CNTNAP2: variants seen among roughly 807,000 people sequenced by gnomAD.
The protein encoded by CNTNAP2 is contactin associated protein 2, also known as contactin-associated protein-like 2.
Under a neutral mutation model 155.2 loss-of-function variants are expected in CNTNAP2, and 98 were observed. The ratio of observed to expected loss-of-function variants is 0.63; its 90% CI spans 0.54 to 0.75. CNTNAP2 has a LOEUF of 0.75. Among genes scored for constraint, CNTNAP2 ranks in the 30% least tolerant of loss-of-function variants. The pLI, the probability that CNTNAP2 is intolerant of heterozygous loss-of-function variation, is 0.00. For synonymous variants in CNTNAP2, 651 were observed against 631.2 expected, an observed-to-expected ratio of 1.03 and a Z score of -0.47; for missense variants, 1,727 against 1,688.1, an observed-to-expected ratio of 1.02 and a Z score of -0.40.
intron 1 of CNTNAP2, among the ~76,000 whole-genome samples, chr7:146,638,476 C>CTTTTTTTTTTTTTTTTTTTTTGTTTTT (rs1799643979): frequency 1.6e-5 from 1 of 64,330 alleles, no homozygotes; most frequent in Non-Finnish European, 3.5e-5. Flanking sequence ...TCAGGTGTTT[C>CTTTTTTTTTTTTTTTTTTTTTGTTTTT]TTTTTTTTTT....
chr7:147,131,960 C>T (rs1420267951), intron 7 of CNTNAP2, among the ~76,000 whole-genome samples: 2 of 152,048 alleles, frequency 1.3e-5, no homozygotes, highest in Non-Finnish European at 2.9e-5. Flanking sequence ...CACTTTACAA[C>T]TCATGGTCAG....
At chr7:146,307,577 C>G (rs916573657) in intron 1 of CNTNAP2, among the ~76,000 whole-genome samples, 9 of 152,130 alleles carry the variant, frequency 5.9e-5, no homozygotes, top group East Asian at 1.9e-4. Flanking sequence ...TGACTTCAAA[C>G]TATACTACAA....
intron 13 of CNTNAP2, among the ~76,000 whole-genome samples, chr7:147,649,186 C>T (rs929739406): frequency 1.4e-4 from 22 of 152,130 alleles, no homozygotes; most frequent in African/African-American, 4.8e-4. Context: ...TGAGGTGAGA[C>T]TTTGATTTTG....
At chr7:147,342,322 G>C (rs893164711) in intron 9 of CNTNAP2, among the ~76,000 whole-genome samples, 2 of 145,330 alleles carry the variant, frequency 1.4e-5, no homozygotes, top group Non-Finnish European at 3.0e-5. Flanking sequence ...ACATATATTT[G>C]AGTTTTCTTT....
intron 13 of CNTNAP2, among the ~76,000 whole-genome samples, chr7:147,770,334 T>C (rs1392852150): frequency 6.6e-6 from 1 of 152,180 alleles, no homozygotes; most frequent in Non-Finnish European, 1.5e-5. Flanking sequence ...TACTGCACCA[T>C]AGGTTTCCCT....
Position 146,249,704 on chromosome 7 carries a change from A to C in CNTNAP2, c.97+132731A>C, listed in dbSNP as rs150892875. ...GTATTTGAAAACTTGTCAGAATGCT[A>C]TTTTCATTAGACACTTTTCATTATT... On this transcript the variant is annotated intron_variant, in intron 1 of 23. Transcript: ENST00000361727. 7.5e-3 allele frequency among the ~76,000 whole-genome samples: 1,142 copies of C among 152,214 alleles called. 16 individuals carry two copies. The highest frequency in any genetic ancestry group is 0.025 in the African/African-American group (1,044 of 41,540).
intron 3 of CNTNAP2, among the ~76,000 whole-genome samples, chr7:146,958,675 A>C (rs1004167404): frequency 6.6e-6 from 1 of 151,950 alleles, no homozygotes; most frequent in Middle Eastern, 3.2e-3. Flanking sequence ...GGCCTCCCAA[A>C]GTGCTGGGAT....
At chr7:147,046,949 G>A (rs113909740) in intron 4 of CNTNAP2, among the ~76,000 whole-genome samples, 12,332 of 147,908 alleles carry the variant, frequency 0.083, 646 homozygotes, top group South Asian at 0.14. Context: ...GGAGAATGGC[G>A]TGAACCCGGG....
chr7:147,577,781 C>T (rs1800423068), intron 12 of CNTNAP2, among the ~76,000 whole-genome samples: 1 of 151,650 alleles, frequency 6.6e-6, no homozygotes, highest in Admixed American at 6.6e-5. Flanking sequence ...TATAAAGCAA[C>T]ACACCATGCA....
intron 1 of CNTNAP2, among the ~76,000 whole-genome samples, chr7:146,517,436 A>C (rs1241318776): frequency 6.6e-6 from 1 of 152,012 alleles, no homozygotes; most frequent in African/African-American, 2.4e-5. Context: ...ATGTTGGAGA[A>C]GAGTAATCTA....
chr7:147,295,268 T>G (rs748406376), intron 8 of CNTNAP2, among the ~76,000 whole-genome samples: 1 of 151,768 alleles, frequency 6.6e-6, no homozygotes, highest in Admixed American at 6.6e-5. Context: ...TGTGTGTGCA[T>G]GCGTGTGTGT....
At chr7:147,105,416 A>C (rs981460129) in intron 4 of CNTNAP2, among the ~76,000 whole-genome samples, 2 of 151,960 alleles carry the variant, frequency 1.3e-5, no homozygotes, top group African/African-American at 2.4e-5. Flanking sequence ...ACCGCATCGA[A>C]AACTTAATTC....
intron 15 of CNTNAP2, among the ~76,000 whole-genome samples, chr7:148,083,066 A>G (rs970474072): frequency 3.9e-5 from 6 of 152,056 alleles, no homozygotes; most frequent in African/African-American, 1.4e-4. Context: ...ACAAGGGGAA[A>G]TAAAGAGGGT....
chr7:146,719,319 C>A (rs1205344515), intron 1 of CNTNAP2, among the ~76,000 whole-genome samples: 1 of 152,168 alleles, frequency 6.6e-6, no homozygotes, highest in East Asian at 1.9e-4. Flanking sequence ...CACAAGGCTG[C>A]TGATGTGAGA....
chr7:148,121,626 A>C (rs1414298200), intron 16 of CNTNAP2, among the ~76,000 whole-genome samples: 1 of 152,214 alleles, frequency 6.6e-6, no homozygotes, highest in East Asian at 1.9e-4. Context: ...GTCACAGTTC[A>C]TGACTACATA....
At chr7:148,103,514 A>G (rs1200815726) in intron 15 of CNTNAP2, among the ~76,000 whole-genome samples, 2 of 152,226 alleles carry the variant, frequency 1.3e-5, no homozygotes, top group Admixed American at 1.3e-4. Context: ...ACAAAGTTGT[A>G]AAACTTCTGT....
intron 12 of CNTNAP2, among the ~76,000 whole-genome samples, chr7:147,618,005 G>A (rs1011600304): frequency 6.6e-6 from 1 of 152,174 alleles, no homozygotes; most frequent in Non-Finnish European, 1.5e-5. Flanking sequence ...TATAGTTAGT[G>A]TTCAAGTGCT....
chr7:146,590,466 A>T (rs1201961635), intron 1 of CNTNAP2, among the ~76,000 whole-genome samples: 1 of 152,134 alleles, frequency 6.6e-6, no homozygotes, highest in African/African-American at 2.4e-5. Flanking sequence ...TCAATAGAAT[A>T]TGAAATTATG....
intron 15 of CNTNAP2, among the ~76,000 whole-genome samples, chr7:148,009,340 G>A (rs576273627): frequency 2.5e-4 from 38 of 152,258 alleles, no homozygotes; most frequent in African/African-American, 5.1e-4. Context: ...AAAGTACAGC[G>A]TCTACTGAAT....
Sources: allele counts gnomAD v4.1 joint callset (sites outside exome capture counted in the v4.1 genomes callset), GRCh38; gene constraint gnomAD v4.1.1; transcripts MANE v1.5; gene names NCBI Gene and HGNC (gene_info 2026-07-23, HGNC 2026-07-21).